The following ST8SIA6 variants were observed in gnomAD, a reference collection of about 807,000 sequenced individuals.
ST8SIA6 encodes the protein ST8 alpha-N-acetyl-neuraminide alpha-2,8-sialyltransferase 6.
ST8SIA6 carries 39 observed loss-of-function variants against 33.6 expected under a neutral mutation model. The observed-to-expected ratio is 1.16, with a 90% CI of 0.90 to 1.52. ST8SIA6 has a LOEUF of 1.52. Ranked by LOEUF, ST8SIA6 falls within the 40% of genes most tolerant of loss-of-function variation. ST8SIA6 has a pLI of 0.00. For synonymous variants in ST8SIA6, 172 were observed against 167.2 expected (o/e 1.03, Z -0.22); for missense variants, 441 against 443.8 (o/e 0.99, Z 0.06).
intron 3 of ST8SIA6, among the ~76,000 whole-genome samples, chr10:17,377,646 A>G (rs10752080): frequency 0.37 from 56,377 of 151,946 alleles, 10,709 homozygotes; most frequent in East Asian, 0.6. Context: ...CCTAATTTTC[A>G]TTTATTCAAA....
intron 2 of ST8SIA6, among the ~76,000 whole-genome samples, chr10:17,437,659 T>A (rs1046264185): frequency 4.8e-5 from 6 of 126,238 alleles, no homozygotes; most frequent in African/African-American, 8.2e-5. Flanking sequence ...CCTTCCTTCC[T>A]TCCTTCTGTC....
At position 17,359,582 on chromosome 10, in the gene ST8SIA6, G is replaced by A. The variant is rs776124277; in HGVS notation, c.309C>T (p.Tyr103=). The A allele has an allele frequency of 1.2e-6, 2 of 1,601,798 alleles. No individual in the cohort carries two copies. Among genetic ancestry groups the A allele is most frequent in the Non-Finnish European group, 1.7e-6 (2 of 1,175,172 alleles). Residue 103 remains tyrosine, a synonymous_variant, in exon 4 of 8, where the codon TAC becomes TAT. Transcript: ENST00000377602. ...TCTGTATATCTGTGATAATCTGAAG[G>A]TAGTCGTTCTCTGAATACCTAAAAA... ...NKTKGYSEND[Y]LQIITDIQSC... is the part of the protein sequence containing the mutation.
intron 2 of ST8SIA6, chr10:17,410,585 C>T (rs1851417440): frequency 6.6e-6 from 1 of 152,124 alleles, no homozygotes; most frequent in South Asian, 2.1e-4. Flanking sequence ...GTATGACTTC[C>T]TCATCTATTA....
intron 2 of ST8SIA6, among the ~76,000 whole-genome samples, chr10:17,452,163 A>G (rs984368946): frequency 6.6e-6 from 1 of 152,078 alleles, no homozygotes; most frequent in Non-Finnish European, 1.5e-5. Flanking sequence ...GAATAAAACT[A>G]TAGGACACTA....
chr10:17,390,909 C>T (rs61842122), intron 2 of ST8SIA6, among the ~76,000 whole-genome samples: 5,853 of 149,572 alleles, frequency 0.039, 163 homozygotes, highest in South Asian at 0.056. Flanking sequence ...CCCAGGCTGG[C>T]GTGCAATGGC....
At chr10:17,402,255 C>G (rs540028904) in intron 2 of ST8SIA6, among the ~76,000 whole-genome samples, 2 of 152,048 alleles carry the variant, frequency 1.3e-5, no homozygotes, top group African/African-American at 4.8e-5. Context: ...GTTAGAATGG[C>G]GATCATTAAA....
chr10:17,407,930 A>G (rs1377694576), intron 2 of ST8SIA6: 2 of 152,640 alleles, frequency 1.3e-5, no homozygotes, highest in East Asian at 1.9e-4. Flanking sequence ...GTGAGCTCTC[A>G]TCATGTCACC....
chr10:17,431,031 G>A (rs1852085595), intron 2 of ST8SIA6, among the ~76,000 whole-genome samples: 1 of 152,188 alleles, frequency 6.6e-6, no homozygotes, highest in South Asian at 2.1e-4. Context: ...AGCCAAGGCT[G>A]AGCATGTGAC....
intron 5 of ST8SIA6, among the ~76,000 whole-genome samples, chr10:17,328,649 TC>T (rs1217612680): frequency 1.3e-5 from 2 of 152,164 alleles, no homozygotes; most frequent in Admixed American, 1.3e-4. Flanking sequence ...CCCTCATTTT[TC>T]CCTCCTGATC....
chr10:17,426,202 C>T (rs532906329), intron 2 of ST8SIA6, among the ~76,000 whole-genome samples: 22 of 152,334 alleles, frequency 1.4e-4, no homozygotes, highest in Non-Finnish European at 3.1e-4. Context: ...ATGTCCTCTT[C>T]TGCCCTGCTG....
intron 4 of ST8SIA6, among the ~76,000 whole-genome samples, chr10:17,346,112 T>C (rs567946108): frequency 2.0e-5 from 3 of 152,208 alleles, no homozygotes; most frequent in Admixed American, 6.5e-5. Flanking sequence ...CCCAAAGGAA[T>C]TGAGCCTTCT....
At chr10:17,439,690 C>T (rs1187310860) in intron 2 of ST8SIA6, among the ~76,000 whole-genome samples, 1 of 152,180 alleles carries the variant, frequency 6.6e-6, no homozygotes, top group Admixed American at 6.5e-5. Flanking sequence ...ATCTCCCCAC[C>T]GTGTCTGTCG....
rs201236481 is a variant in ST8SIA6, at chr10:17,331,406, A to G, written c.522+2T>C. ...AATAACCCACCAGAAACCTTTACTC[A>G]CCACTGGAAACATATGAAAAATGTT... On this transcript the variant is annotated splice_donor_variant, in intron 5 of 7. Transcript: ENST00000377602. LOFTEE classifies it high-confidence loss of function. 6.2e-7 allele frequency: 1 copy of G among 1,608,212 alleles called. No homozygotes were observed. Among genetic ancestry groups the G allele is most frequent in the East Asian group, 2.2e-5 (1 of 44,790 alleles).
chr10:17,327,806 C>T (rs1420676210), intron 5 of ST8SIA6, among the ~76,000 whole-genome samples: 1 of 151,216 alleles, frequency 6.6e-6, no homozygotes, highest in African/African-American at 2.4e-5. Flanking sequence ...GCTTGGGAGG[C>T]TGAGGTAGGG....
chr10:17,388,904 G>C (rs1015495856), intron 3 of ST8SIA6, among the ~76,000 whole-genome samples: 1 of 152,056 alleles, frequency 6.6e-6, no homozygotes, highest in African/African-American at 2.4e-5. Context: ...ACAGTTTAGG[G>C]GTCATGCAGA....
intron 2 of ST8SIA6, among the ~76,000 whole-genome samples, chr10:17,405,149 G>A (rs1851208282): frequency 6.6e-6 from 1 of 151,948 alleles, no homozygotes; most frequent in Non-Finnish European, 1.5e-5. Flanking sequence ...AAATCTTTAC[G>A]GTTGAGCCCA....
At chr10:17,331,367 G>A (rs1233192816) in intron 5 of ST8SIA6, 41 bp downstream of exon 5, 1 of 1,563,684 alleles carries the variant, frequency 6.4e-7, no homozygotes, top group Non-Finnish European at 8.6e-7. Context: ...AAATTCACCT[G>A]GAATGGTAAC....
rs559804029 is a variant in ST8SIA6, at chr10:17,363,739, G to A, written c.291-4139C>T. ...CAAAGTGGAAGCATTTACACCACAG[G>A]AATTGGCAAATTTGACAAATCAGGT... On this transcript the variant is annotated intron_variant, in intron 3 of 7. Transcript: ENST00000377602. Among the ~76,000 whole-genome samples, 32 of 152,244 alleles carry A rather than the reference G, an allele frequency of 2.1e-4. No homozygotes were observed. The South Asian group carries it at 6.4e-3, about 31-fold the overall frequency.
At chr10:17,423,150 TAGAC>T (rs972432192) in intron 2 of ST8SIA6, among the ~76,000 whole-genome samples, 6 of 152,194 alleles carry the variant, frequency 3.9e-5, no homozygotes, top group Admixed American at 1.3e-4. Context: ...AGCAAGTAAT[TAGAC>T]AGAAGCATTG....
Sources: allele counts gnomAD v4.1 joint callset (sites outside exome capture counted in the v4.1 genomes callset), GRCh38; gene constraint gnomAD v4.1.1; transcripts MANE v1.5; gene names NCBI Gene and HGNC (gene_info 2026-07-23, HGNC 2026-07-21).